Variants in SLC9C1 observed in about 807,000 individuals in gnomAD.
The protein encoded by SLC9C1 is sodium/hydrogen exchanger 10.
SLC9C1 carries 97 observed loss-of-function variants against 140.9 expected under a neutral mutation model. That is an observed-to-expected ratio of 0.69 (90% confidence interval 0.58 to 0.82). SLC9C1 has a LOEUF of 0.82. Ranked by LOEUF, SLC9C1 falls within the 40% of genes least tolerant of loss-of-function variation. The probability of loss-of-function intolerance (pLI) is 0.00; values close to 1 mark genes in which losing one functional copy is unlikely to be tolerated. For missense variants in SLC9C1, 1,340 were observed against 1,389.3 expected (o/e 0.96, Z 0.56); for synonymous variants, 440 against 442.6 (o/e 0.99, Z 0.07).
chr3:112,240,219 G>A (rs568927034), intron 11 of SLC9C1, among the ~76,000 whole-genome samples: 2 of 152,318 alleles, frequency 1.3e-5, no homozygotes, highest in South Asian at 2.1e-4. Context: ...AATAGCTAAT[G>A]TTTATTGAGT....
At position 112,217,582 on chromosome 3, in the gene SLC9C1, T is replaced by C. The variant is rs772391443; in HGVS notation, c.1671-21A>G. Reference sequence around the variant, plus strand: ...TACATCTAGAAAAAGAGAGAAATCTTTAAACATGCTTTAAACATTTTGAGA... The same window carrying C: ...TACATCTAGAAAAAGAGAGAAATCTCTAAACATGCTTTAAACATTTTGAGA... On this transcript the variant is annotated intron_variant, in intron 14 of 28. Transcript: ENST00000305815. 3 of 1,553,544 alleles carry C rather than the reference T, an allele frequency of 1.9e-6. No individual in the cohort carries two copies. In the South Asian group the frequency reaches 3.7e-5, roughly 19 times the overall value.
intron 12 of SLC9C1, among the ~76,000 whole-genome samples, chr3:112,238,181 T>G (rs1040419117): frequency 5.9e-5 from 9 of 152,208 alleles, no homozygotes; most frequent in East Asian, 1.9e-4. Context: ...TCTCTAAACT[T>G]CTCTTCTCAC....
intron 5 of SLC9C1, 53 bp from the exon 6 acceptor site, chr3:112,275,078 ATTAAATG>A: frequency 6.7e-7 from 1 of 1,494,594 alleles, no homozygotes; most frequent in Non-Finnish European, 8.9e-7. Context: ...AACATTAAAA[ATTAAATG>A]TTAAAGAATA....
intron 13 of SLC9C1, 84 bp downstream of exon 13, chr3:112,231,277 C>T (rs1047802309): frequency 6.6e-7 from 1 of 1,507,484 alleles, no homozygotes; most frequent in Non-Finnish European, 9.1e-7. Context: ...ATTAAGTGAG[C>T]ATGATCAAGA....
intron 1 of SLC9C1, among the ~76,000 whole-genome samples, chr3:112,288,172 G>A (rs1022535724): frequency 2.7e-5 from 4 of 148,828 alleles, no homozygotes; most frequent in Non-Finnish European, 5.9e-5. Flanking sequence ...ATATATATAT[G>A]TTTTCTTATG....
At chr3:112,271,280 A>T (rs945531888) in intron 6 of SLC9C1, among the ~76,000 whole-genome samples, 1 of 151,886 alleles carries the variant, frequency 6.6e-6, no homozygotes, top group African/African-American at 2.4e-5. Flanking sequence ...GTAGTCAATG[A>T]TAATGTATTG....
At chr3:112,272,675 G>A (rs2080108464) in intron 6 of SLC9C1, among the ~76,000 whole-genome samples, 1 of 152,084 alleles carries the variant, frequency 6.6e-6, no homozygotes, top group South Asian at 2.1e-4. Flanking sequence ...TACTGTTGAA[G>A]TCATTACTAT....
At chr3:112,279,061 C>A in intron 3 of SLC9C1, 2 of 422,390 alleles carry the variant, frequency 4.7e-6, no homozygotes, top group Non-Finnish European at 8.3e-6. Flanking sequence ...AAGAATAGAA[C>A]GGATAGAGAC....
rs556812845 is a variant in SLC9C1 at position 112,184,781 on chromosome 3, G to T, written c.2524-2523C>A. The stretch of plus-strand genomic sequence containing the variant: ...CGGACCCCCTGAGGCTACAAACCGT[G>T]ATGCCACTGACTCAAAGCTCAGGGG... On this transcript the variant is annotated intron_variant, in intron 20 of 28. Coordinates refer to ENST00000305815, the MANE Select transcript of SLC9C1 (RefSeq NM_183061.3). Among the ~76,000 whole-genome samples the T allele has an allele frequency of 2.9e-4, 44 of 152,356 alleles. No individual in the cohort carries two copies. The East Asian group carries it at 7.9e-3, about 27-fold the overall frequency.
chr3:112,165,742 G>T (rs1329878440), intron 26 of SLC9C1, among the ~76,000 whole-genome samples: 4 of 152,186 alleles, frequency 2.6e-5, no homozygotes, highest in Non-Finnish European at 5.9e-5. Flanking sequence ...GAGGCAGTTT[G>T]TCCATTCTCA....
chr3:112,162,217 C>T (rs368104619), intron 26 of SLC9C1, among the ~76,000 whole-genome samples: 4 of 152,296 alleles, frequency 2.6e-5, no homozygotes. Context: ...CATCTGCAAA[C>T]AGGGACAATT....
intron 12 of SLC9C1, among the ~76,000 whole-genome samples, chr3:112,233,077 T>A (rs1385838051): frequency 0.016 from 2,328 of 146,068 alleles, 33 homozygotes; most frequent in Non-Finnish European, 0.02. Flanking sequence ...ATTATATTTT[T>A]TTTTTTTTTA....
intron 20 of SLC9C1, among the ~76,000 whole-genome samples, chr3:112,183,344 C>CTTTTTTTTTTTTTTTTT (rs1159788975): frequency 1.6e-3 from 34 of 20,934 alleles, no homozygotes; most frequent in South Asian, 4.2e-3. Context: ...TATTTAGCAC[C>CTTTTTTTTTTTTTTTTT]TTTTCTTTTT....
rs1033466370 is a variant in SLC9C1, at chr3:112,237,523, C to A, written c.1446+2317G>T. 2.6e-5 allele frequency among the ~76,000 whole-genome samples: 4 copies of A among 152,178 alleles called. No individual in the cohort carries two copies. The South Asian group carries it at 8.3e-4, about 32-fold the overall frequency. On this transcript the variant is annotated intron_variant, in intron 12 of 28. Coordinates refer to ENST00000305815, the MANE Select transcript of SLC9C1 (RefSeq NM_183061.3). ...TATGATGTTAGCTGGTTATTTTGCT[C>A]GTTAGTTGATGCAGTTTCTTCCTAG...
Position 112,204,392 on chromosome 3 carries a change from C to A in SLC9C1, c.1998G>T (p.Met666Ile). ...AGGCATGTGAAAAAAAGTCCTTCCT[C>A]ATTGCTGCTATCTGTTGATTTAAAA... ...ILEALLKIAA[M>I]RKDFFSHAWN... Residue 666 changes from methionine to isoleucine, a missense_variant, in exon 17 of 29, where the codon ATG becomes ATT. Physicochemically the swap from Met to Ile is conservative, Grantham distance 10. Coordinates refer to ENST00000305815, the MANE Select transcript of SLC9C1 (RefSeq NM_183061.3). The A allele has an allele frequency of 6.4e-7, 1 of 1,568,998 alleles. No individual in the cohort carries two copies. The highest frequency in any genetic ancestry group is 2.0e-5 in the Admixed American group (1 of 49,442).
intron 26 of SLC9C1, among the ~76,000 whole-genome samples, chr3:112,158,782 C>G (rs1442064181): frequency 1.3e-5 from 2 of 151,678 alleles, no homozygotes; most frequent in Non-Finnish European, 2.9e-5. Context: ...TCCATTTCTT[C>G]TAGGTTTTCC....
chr3:112,141,926 C>T (rs2107829158), intron 28 of SLC9C1, among the ~76,000 whole-genome samples: 1 of 152,204 alleles, frequency 6.6e-6, no homozygotes, highest in South Asian at 2.1e-4. Flanking sequence ...TTACATTGAT[C>T]TATACAACCA....
At position 112,278,831 on chromosome 3, in the gene SLC9C1, T is replaced by C. The variant is rs2080285583; in HGVS notation, c.216A>G (p.Gln72=). The C allele has an allele frequency of 1.2e-6, 2 of 1,604,484 alleles. No individual in the cohort carries two copies. Among genetic ancestry groups the C allele is most frequent in the Non-Finnish European group, 1.7e-6 (2 of 1,177,164 alleles). Residue 72 remains glutamine, a synonymous_variant, in exon 4 of 29, where the codon CAA becomes CAG. Coordinates refer to ENST00000305815, the MANE Select transcript of SLC9C1 (RefSeq NM_183061.3). ...SQVQRYANAI[Q]WMSPDLFFRI... The stretch of plus-strand genomic sequence containing the variant: ...GAAAAAATAAGTCTGGACTCATCCA[T>C]TGTATGGCGTTTGCGTATCTTTGGA...
At chr3:112,197,237 A>C (rs1488224267) in intron 20 of SLC9C1, among the ~76,000 whole-genome samples, 1 of 152,116 alleles carries the variant, frequency 6.6e-6, no homozygotes. Context: ...CTGGCTCCCA[A>C]AAGAGAAATA....
Sources: allele counts gnomAD v4.1 joint callset (sites outside exome capture counted in the v4.1 genomes callset), GRCh38; gene constraint gnomAD v4.1.1; transcripts MANE v1.5; gene names NCBI Gene and HGNC (gene_info 2026-07-23, HGNC 2026-07-21).